IDE: variants seen among roughly 807,000 people sequenced by gnomAD.
IDE encodes the protein insulin degrading enzyme.
IDE carries 58 observed loss-of-function variants against 133.2 expected under a neutral mutation model. That is an observed-to-expected ratio of 0.44 (90% confidence interval 0.35 to 0.54). The LOEUF is 0.54. IDE is among the 20% of genes least tolerant of loss of function. The probability of loss-of-function intolerance (pLI) is 0.00; values close to 1 mark genes in which losing one functional copy is unlikely to be tolerated. For synonymous variants in IDE, 396 were observed against 421.3 expected (o/e 0.94, Z 0.73); for missense variants, 981 against 1,234.0 (o/e 0.79, Z 3.07).
chr10:92,537,914 G>T (rs1322703927), intron 1 of IDE, among the ~76,000 whole-genome samples: 1 of 152,050 alleles, frequency 6.6e-6, no homozygotes, highest in Non-Finnish European at 1.5e-5. Flanking sequence ...ACCGAGGCTT[G>T]TATGCAGTAG....
At chr10:92,570,148 T>C (rs942685799) in intron 1 of IDE, among the ~76,000 whole-genome samples, 2 of 151,746 alleles carry the variant, frequency 1.3e-5, no homozygotes, top group African/African-American at 4.8e-5. Context: ...AAAAAGAAAC[T>C]AAACAGTTCT....
chr10:92,514,827 G>T, intron 5 of IDE, 93 bp downstream of exon 5: 1 of 971,354 alleles, frequency 1.0e-6, no homozygotes, highest in Non-Finnish European at 1.5e-6. Context: ...CAAATAAGCA[G>T]CTCTATCTTA....
At chr10:92,503,312 A>C (rs893199176) in intron 11 of IDE, among the ~76,000 whole-genome samples, 5 of 152,158 alleles carry the variant, frequency 3.3e-5, no homozygotes, top group African/African-American at 1.2e-4. Flanking sequence ...TCATCCAAAC[A>C]CTGTATCATA....
chr10:92,459,045 T>C (rs377154733), intron 22 of IDE, among the ~76,000 whole-genome samples: 2 of 152,202 alleles, frequency 1.3e-5, no homozygotes, highest in African/African-American at 2.4e-5. Context: ...TCAAATCTCA[T>C]TGCTGAAAAA....
chr10:92,546,631 T>A (rs759347020), intron 1 of IDE, among the ~76,000 whole-genome samples: 2 of 152,226 alleles, frequency 1.3e-5, no homozygotes, highest in Non-Finnish European at 2.9e-5. Context: ...TTTCTGTTGA[T>A]GCTATCTTGG....
At chr10:92,568,457 A>G (rs534875007) in intron 1 of IDE, among the ~76,000 whole-genome samples, 103 of 152,374 alleles carry the variant, frequency 6.8e-4, no homozygotes, top group African/African-American at 2.5e-3. Context: ...TAAACAATAT[A>G]CTGCTTAAGA....
chr10:92,569,848 G>A (rs1047507937), intron 1 of IDE, among the ~76,000 whole-genome samples: 12 of 152,190 alleles, frequency 7.9e-5, no homozygotes, highest in African/African-American at 2.7e-4. Flanking sequence ...AGTGGCTCAC[G>A]CCTGTAATCC....
At position 92,505,690 on chromosome 10, in the gene IDE, G is replaced by A. The variant is rs117821321; in HGVS notation, c.1326+752C>T. Among the ~76,000 whole-genome samples the A allele has an allele frequency of 1.1e-4, 17 of 152,320 alleles. No homozygotes were observed. In the East Asian group the frequency reaches 3.3e-3, roughly 29 times the overall value. ...GATTGGGAGGTCAGAGAAGGTCTGA[G>A]GAGAAGAACTCTGAGTGGAGACTGA... is the stretch of plus-strand genomic sequence containing the variant. On this transcript the variant is annotated intron_variant, in intron 10 of 24. Transcript: ENST00000265986.
chr10:92,483,467 G>A, intron 13 of IDE, 130 bp from the exon 14 acceptor site: 1 of 617,648 alleles, frequency 1.6e-6, no homozygotes, highest in Non-Finnish European at 2.9e-6. Flanking sequence ...GCTGTCCCAT[G>A]GGCCTTGAAG....
chr10:92,499,227 AG>A (rs1847880395), intron 11 of IDE, among the ~76,000 whole-genome samples: 1 of 151,772 alleles, frequency 6.6e-6, no homozygotes, highest in Admixed American at 6.6e-5. Context: ...TCTTTTGCCC[AG>A]GGTGGAGTCA....
At position 92,534,584 on chromosome 10, in the gene IDE, AGG is replaced by A. The variant is rs1296200972; in HGVS notation, c.483_484del (p.Leu162ArgfsTer14). 10 of 1,606,342 alleles carry A rather than the reference AGG, an allele frequency of 6.2e-6. No individual in the cohort carries two copies. Among genetic ancestry groups the A allele is most frequent in the Non-Finnish European group, 6.8e-6 (8 of 1,173,228 alleles). ...ATAGGGTATTCTGCATTACCTGTCTAGGGCACCTTCTAGGTGTTCATGAGAAA... is the reference window on the plus strand; with the variant it reads ...ATAGGGTATTCTGCATTACCTGTCTAGCACCTTCTAGGTGTTCATGAGAAA... On this transcript the variant is annotated frameshift_variant, in exon 3 of 25. Coordinates refer to ENST00000265986, the MANE Select transcript of IDE (RefSeq NM_004969.4). LOFTEE classifies it high-confidence loss of function.
intron 1 of IDE, among the ~76,000 whole-genome samples, chr10:92,568,495 G>C (rs927795230): frequency 2.6e-5 from 4 of 152,204 alleles, no homozygotes; most frequent in African/African-American, 9.6e-5. Context: ...AAACTATAAA[G>C]AAAACTAAGG....
intron 1 of IDE, among the ~76,000 whole-genome samples, chr10:92,543,794 G>A (rs906373157): frequency 8.5e-5 from 13 of 152,154 alleles, no homozygotes; most frequent in East Asian, 7.7e-4. Context: ...TTATAGAAAC[G>A]TTATAAAGTT....
chr10:92,537,591 A>G (rs2135703225), intron 1 of IDE, 41 bp from the exon 2 acceptor site: 5 of 1,411,044 alleles, frequency 3.5e-6, no homozygotes, highest in Non-Finnish European at 4.9e-6. Flanking sequence ...TTGTGACTTT[A>G]TATTTAAGGA....
chr10:92,460,734 A>G (rs968990796), intron 22 of IDE, among the ~76,000 whole-genome samples: 2 of 152,250 alleles, frequency 1.3e-5, no homozygotes, highest in African/African-American at 4.8e-5. Flanking sequence ...TCTTTATTCT[A>G]AAAGTCATTA....
chr10:92,493,587 T>TAA (rs1240906477), intron 11 of IDE, among the ~76,000 whole-genome samples: 1 of 140,340 alleles, frequency 7.1e-6, no homozygotes. Flanking sequence ...ATGCTCAGGT[T>TAA]AAAAAAAAAA....
intron 1 of IDE, among the ~76,000 whole-genome samples, chr10:92,558,201 T>C (rs1277734328): frequency 6.6e-6 from 1 of 152,116 alleles, no homozygotes; most frequent in East Asian, 1.9e-4. Context: ...TACAGGTGCC[T>C]GTCACTACGC....
intron 13 of IDE, among the ~76,000 whole-genome samples, chr10:92,484,139 C>T (rs996597991): frequency 2.6e-5 from 4 of 152,062 alleles, no homozygotes; most frequent in Non-Finnish European, 5.9e-5. Flanking sequence ...GGGCCAGGCG[C>T]GGTGGCTTCA....
In IDE at chr10:92,571,792, T is replaced by C. The variant is rs144378185; in HGVS notation, c.98+2130A>G. 2.4e-3 allele frequency among the ~76,000 whole-genome samples: 368 copies of C among 152,374 alleles called. 1 individual carries two copies. The highest frequency in any genetic ancestry group is 3.9e-3 in the Admixed American group (60 of 15,302). ...TAACAGTTAAGAGCTCAGGCTCCGA[T>C]GCCAGATAGACATGGGTTAAATCCC... is the stretch of plus-strand genomic sequence containing the variant. On this transcript the variant is annotated intron_variant, in intron 1 of 24. Transcript: ENST00000265986.
Sources: gnomAD v4.1 joint callset for allele counts (sites outside exome capture counted in the v4.1 genomes callset) on GRCh38, gnomAD v4.1.1 for gene constraint, MANE v1.5 for transcripts, NCBI Gene and HGNC (gene_info 2026-07-23, HGNC 2026-07-21) for gene names.